The following CRISPLD1 variants were observed in gnomAD, a reference collection of about 807,000 sequenced individuals.
The protein encoded by CRISPLD1 is cysteine rich secretory protein LCCL domain containing 1, also known as cysteine-rich secretory protein LCCL domain-containing 1.
A neutral mutation model predicts 77.5 loss-of-function variants in CRISPLD1; 60 were observed. The ratio of observed to expected loss-of-function variants is 0.77; its 90% CI spans 0.63 to 0.96. CRISPLD1 has a LOEUF of 0.96. CRISPLD1 is among the 40% of genes least tolerant of loss of function. The pLI is 0.00. For synonymous variants in CRISPLD1, 195 were observed against 200.1 expected, an observed-to-expected ratio of 0.97 and a Z score of 0.22; for missense variants, 623 against 615.8, an observed-to-expected ratio of 1.01 and a Z score of -0.12.
intron 10 of CRISPLD1, 63 bp downstream of exon 10, chr8:75,017,513 T>G: frequency 7.3e-7 from 1 of 1,374,640 alleles, no homozygotes. Context: ...GCTAACACAT[T>G]TTTTTTTAGA....
rs761680563 is a variant in CRISPLD1 at position 75,025,593 on chromosome 8, G to T, written c.1292G>T (p.Arg431Leu). 14 of 1,588,440 alleles carry T rather than the reference G, an allele frequency of 8.8e-6. 1 individual carries two copies. Among genetic ancestry groups the T allele is most frequent in the Non-Finnish European group, 1.2e-5 (14 of 1,159,532 alleles). Residue 431 changes from arginine to leucine, a missense_variant, in exon 13 of 15, where the codon CGT becomes CTT. By Grantham distance (102) the Arg-to-Leu change is moderately radical. Transcript: ENST00000262207. Reference protein sequence around the residue: ...NCMQANPHYARVIGTRVYSDL... With the variant: ...NCMQANPHYALVIGTRVYSDL... ...ATGCAAGCAAATCCACATTATGCTC[G>T]TGTAATTGGAACTCGAGTTTATTCT...
chr8:75,003,635 A>G (rs1312983328), intron 2 of CRISPLD1, among the ~76,000 whole-genome samples: 2 of 152,184 alleles, frequency 1.3e-5, no homozygotes, highest in Non-Finnish European at 2.9e-5. Context: ...CCTAATGTCT[A>G]TAGATCAAGA....
intron 2 of CRISPLD1, among the ~76,000 whole-genome samples, chr8:75,007,465 A>G (rs1045113909): frequency 2.6e-5 from 4 of 152,076 alleles, no homozygotes; most frequent in African/African-American, 9.7e-5. Context: ...CACAAAGGAT[A>G]GCAAATTTTT....
intron 10 of CRISPLD1, among the ~76,000 whole-genome samples, chr8:75,018,112 A>C (rs1434601792): frequency 6.6e-6 from 1 of 152,194 alleles, no homozygotes; most frequent in Admixed American, 6.5e-5. Flanking sequence ...ACTGAAGTTC[A>C]TACAGAACTC....
chr8:74,991,096 G>A (rs557866755), intron 2 of CRISPLD1, among the ~76,000 whole-genome samples: 41 of 151,782 alleles, frequency 2.7e-4, no homozygotes, highest in Admixed American at 2.7e-3. Flanking sequence ...AAGTTTAAGC[G>A]ATTCTCCTGC....
At position 75,007,023 on chromosome 8, in the gene CRISPLD1, ATT is replaced by A. The variant is rs375288888; in HGVS notation, c.259-5407_259-5406del. 6.6e-5 allele frequency among the ~76,000 whole-genome samples: 10 copies of A among 152,250 alleles called. No individual in the cohort carries two copies. In the East Asian group the frequency reaches 9.6e-4, roughly 15 times the overall value. The stretch of plus-strand genomic sequence containing the variant: ...ATTTATTTGAAAAATAACACCTTCC[ATT>A]TTAGTTTTTCATTAACATTCTTGAA... On this transcript the variant is annotated intron_variant, in intron 2 of 14. Coordinates refer to ENST00000262207, the MANE Select transcript of CRISPLD1 (RefSeq NM_031461.6).
At chr8:75,000,137 A>G (rs1271875470) in intron 2 of CRISPLD1, 16 of 984,902 alleles carry the variant, frequency 1.6e-5, no homozygotes, top group Non-Finnish European at 1.7e-5. Flanking sequence ...CAACTCAAAC[A>G]ATACAAAGTA....
At chr8:75,017,290 A>G (rs1376772979) in intron 9 of CRISPLD1, 30 bp from the exon 10 acceptor site, 1 of 1,603,642 alleles carries the variant, frequency 6.2e-7, no homozygotes, top group Admixed American at 1.7e-5. Context: ...AATATTTTTA[A>G]CATCTTTTTA....
chr8:75,016,418 C>A (rs1360233841), intron 6 of CRISPLD1, 147 bp from the exon 7 acceptor site: 26 of 672,944 alleles, frequency 3.9e-5, no homozygotes, highest in Non-Finnish European at 5.7e-5. Flanking sequence ...CTAAGATCAC[C>A]ACCTTAAGCC....
At chr8:75,002,879 T>C (rs187245117) in intron 2 of CRISPLD1, among the ~76,000 whole-genome samples, 1 of 152,340 alleles carries the variant, frequency 6.6e-6, no homozygotes. Flanking sequence ...CACCATCTTC[T>C]TTCTCAGAGT....
At position 75,020,600 on chromosome 8, in the gene CRISPLD1, C is replaced by G. The variant is rs544153969; in HGVS notation, c.1244+521C>G. ...TGGATGAGGACCCTACCCTTATGAC[C>G]TCATTTAACATTAATTACCTTCATA... On this transcript the variant is annotated intron_variant, in intron 12 of 14. Coordinates refer to ENST00000262207, the MANE Select transcript of CRISPLD1 (RefSeq NM_031461.6). Among the ~76,000 whole-genome samples, 3 of 152,264 alleles carry G rather than the reference C, an allele frequency of 2.0e-5. No individual in the cohort carries two copies. The South Asian group carries it at 6.2e-4, about 32-fold the overall frequency.
At chr8:75,024,182 A>G (rs546900413) in intron 12 of CRISPLD1, among the ~76,000 whole-genome samples, 1 of 152,328 alleles carries the variant, frequency 6.6e-6, no homozygotes, top group East Asian at 1.9e-4. Context: ...GGAGTAAGAT[A>G]TAAAGTTGGA....
At chr8:74,985,754 GA>G (rs904441963) in intron 1 of CRISPLD1, among the ~76,000 whole-genome samples, 171 bp from the exon 2 acceptor site, 1 of 151,778 alleles carries the variant, frequency 6.6e-6, no homozygotes, top group African/African-American at 2.4e-5. Flanking sequence ...TCCTCTGGAA[GA>G]AAAAAAATGG....
At chr8:74,992,037 TA>T (rs1475237893) in intron 2 of CRISPLD1, among the ~76,000 whole-genome samples, 1 of 152,180 alleles carries the variant, frequency 6.6e-6, no homozygotes, top group African/African-American at 2.4e-5. Flanking sequence ...TTTATCTTTA[TA>T]ACTAAGCTTG....
intron 2 of CRISPLD1, among the ~76,000 whole-genome samples, chr8:75,009,763 C>A (rs1369679473): frequency 1.3e-5 from 2 of 152,100 alleles, no homozygotes; most frequent in East Asian, 3.9e-4. Context: ...CTCCAACTTT[C>A]TAGATACAAA....
chr8:74,998,253 A>G (rs1165057104), intron 2 of CRISPLD1, among the ~76,000 whole-genome samples: 1 of 152,180 alleles, frequency 6.6e-6, no homozygotes, highest in East Asian at 1.9e-4. Context: ...TTGAGAGGGC[A>G]GGAAAGAAGG....
intron 14 of CRISPLD1, among the ~76,000 whole-genome samples, chr8:75,031,906 A>T (rs1195765099): frequency 6.6e-6 from 1 of 151,922 alleles, no homozygotes; most frequent in African/African-American, 2.4e-5. Context: ...AATATAGGAA[A>T]ACATGATCTA....
intron 2 of CRISPLD1, among the ~76,000 whole-genome samples, chr8:75,000,750 G>A (rs1812725711): frequency 6.6e-6 from 1 of 151,854 alleles, no homozygotes; most frequent in Non-Finnish European, 1.5e-5. Context: ...ACATTCCTTT[G>A]TAGGAAGGGA....
Position 75,005,591 on chromosome 8 carries a change from A to G in CRISPLD1, c.259-6842A>G, listed in dbSNP as rs866074498. Among the ~76,000 whole-genome samples the G allele has an allele frequency of 2.4e-4, 36 of 152,198 alleles. No individual in the cohort carries two copies. The Middle Eastern group carries it at 0.01, about 43-fold the overall frequency. ...CTAAAGAAGGGGTATTTTCAGCACC[A>G]TTGAGCATAATTCTATCATTACTTC... On this transcript the variant is annotated intron_variant, in intron 2 of 14. Transcript: ENST00000262207.
Sources: allele counts gnomAD v4.1 joint callset (sites outside exome capture counted in the v4.1 genomes callset), GRCh38; gene constraint gnomAD v4.1.1; transcripts MANE v1.5; gene names NCBI Gene and HGNC (gene_info 2026-07-23, HGNC 2026-07-21).